The following DOCK10 variants were observed in gnomAD, a reference collection of about 807,000 sequenced individuals.
DOCK10 encodes dedicator of cytokinesis protein 10.
A neutral mutation model predicts 280.1 loss-of-function variants in DOCK10; 145 were observed. That is an observed-to-expected ratio of 0.52 (90% CI 0.45 to 0.59). The LOEUF (loss-of-function observed/expected upper bound fraction) is 0.59. Among genes scored for constraint, DOCK10 ranks in the 20% least tolerant of loss-of-function variants. DOCK10 has a pLI of 0.00. For missense variants in DOCK10, 2,368 were observed against 2,651.7 expected (o/e 0.89, Z 2.35); for synonymous variants, 915 against 942.2 (o/e 0.97, Z 0.53).
chr2:225,013,318 G>A (rs1010324611), intron 1 of DOCK10, among the ~76,000 whole-genome samples: 1 of 152,158 alleles, frequency 6.6e-6, no homozygotes, highest in Non-Finnish European at 1.5e-5. Flanking sequence ...AAAATCTCCT[G>A]ACTATAAAGG....
intron 48 of DOCK10, among the ~76,000 whole-genome samples, chr2:224,788,840 T>A (rs1691939025): frequency 6.6e-6 from 1 of 152,228 alleles, no homozygotes; most frequent in African/African-American, 2.4e-5. Context: ...GAAGAGCTGA[T>A]AATATACATT....
At chr2:224,949,103 G>A (rs1223011439) in intron 1 of DOCK10, among the ~76,000 whole-genome samples, 3 of 152,188 alleles carry the variant, frequency 2.0e-5, no homozygotes, top group Non-Finnish European at 4.4e-5. Context: ...TGATGCAAAG[G>A]AGGGGAAAAT....
At chr2:224,838,179 TA>T (rs1266567441) in intron 24 of DOCK10, among the ~76,000 whole-genome samples, 4 of 152,212 alleles carry the variant, frequency 2.6e-5, no homozygotes, top group Non-Finnish European at 5.9e-5. Context: ...CAAAAGGGAT[TA>T]TTTTTAGTGC....
chr2:224,892,446 G>GAA (rs1553606818), intron 4 of DOCK10, among the ~76,000 whole-genome samples: 1 of 135,234 alleles, frequency 7.4e-6, no homozygotes, highest in Non-Finnish European at 1.6e-5. Context: ...GAAAAGAAAA[G>GAA]AAAAAAATCG....
chr2:224,990,835 C>T (rs1706108231), intron 1 of DOCK10, among the ~76,000 whole-genome samples: 1 of 152,184 alleles, frequency 6.6e-6, no homozygotes, highest in Non-Finnish European at 1.5e-5. Context: ...ACTTTTGCAA[C>T]ATCAACTATT....
chr2:224,767,111 T>C (rs1690117685), intron 55 of DOCK10, among the ~76,000 whole-genome samples: 1 of 152,230 alleles, frequency 6.6e-6, no homozygotes, highest in Admixed American at 6.5e-5. Flanking sequence ...TACCCATTCC[T>C]GAATGTAGGC....
chr2:224,839,991 G>A lies in DOCK10; in HGVS notation c.2743C>T (p.Gln915Ter), dbSNP rs772791880. 1 of 1,559,710 alleles carries A rather than the reference G, an allele frequency of 6.4e-7. No individual in the cohort carries two copies. Among genetic ancestry groups the A allele is most frequent in the Non-Finnish European group, 8.7e-7 (1 of 1,148,042 alleles). ...GTAGTTATTTCATCTTCCTCATTCT[G>A]TACCAGAACTTTGAAGAGCTGATTC... is the stretch of plus-strand genomic sequence containing the variant. The part of the protein sequence containing the change: ...ILNQLFKVLV[Q>*]NEEDEITTTV... Residue 915 changes from glutamine (Q) to a stop codon, truncating the protein, a stop_gained, in exon 24 of 56, where the codon CAG becomes TAG. Coordinates refer to ENST00000258390, the MANE Select transcript of DOCK10 (RefSeq NM_014689.3). LOFTEE classifies it high-confidence loss of function.
At chr2:224,897,310 C>T (rs112383883) in intron 3 of DOCK10, among the ~76,000 whole-genome samples, 1,985 of 152,156 alleles carry the variant, frequency 0.013, 50 homozygotes, top group African/African-American at 0.045. Flanking sequence ...TTACAGGGTA[C>T]ATGAGATGGT....
At chr2:224,969,452 A>C (rs1163547630) in intron 1 of DOCK10, among the ~76,000 whole-genome samples, 3 of 152,166 alleles carry the variant, frequency 2.0e-5, no homozygotes, top group Non-Finnish European at 4.4e-5. Context: ...GTTGTGCAAA[A>C]AGAAGACGAA....
chr2:224,895,399 C>T (rs553574190), intron 4 of DOCK10, among the ~76,000 whole-genome samples: 1 of 152,246 alleles, frequency 6.6e-6, no homozygotes, highest in East Asian at 1.9e-4. Context: ...AAGTGTTTTT[C>T]TGAATTATTT....
intron 2 of DOCK10, among the ~76,000 whole-genome samples, chr2:224,924,395 T>G (rs1427879435): frequency 6.6e-6 from 1 of 152,186 alleles, no homozygotes; most frequent in Non-Finnish European, 1.5e-5. Flanking sequence ...ACCACTAATC[T>G]CCTTTCTCTC....
chr2:224,921,111 AAATAT>A (rs1162698947), intron 2 of DOCK10, among the ~76,000 whole-genome samples: 2 of 89,398 alleles, frequency 2.2e-5, no homozygotes, highest in Admixed American at 1.1e-4. Flanking sequence ...AAAAAAAAAA[AAATAT>A]ATATATATAT....
chr2:224,879,593 A>G (rs1227594856), intron 7 of DOCK10, among the ~76,000 whole-genome samples: 1 of 152,096 alleles, frequency 6.6e-6, no homozygotes, highest in African/African-American at 2.4e-5. Flanking sequence ...CCCTGTCTCT[A>G]CTAAAAATAC....
intron 33 of DOCK10, 37 bp from the exon 34 acceptor site, chr2:224,806,274 T>G (rs774933020): frequency 1.6e-6 from 2 of 1,263,462 alleles, no homozygotes; most frequent in Admixed American, 2.1e-5. Flanking sequence ...ATGGGAATCA[T>G]GGCATTTCAA....
intron 27 of DOCK10, among the ~76,000 whole-genome samples, chr2:224,826,759 CTATCT>C (rs962913902): frequency 6.6e-6 from 1 of 151,360 alleles, no homozygotes; most frequent in African/African-American, 2.4e-5. Context: ...ATCTATCTAT[CTATCT>C]ATCTATCTAT....
At chr2:225,016,646 CACATAGAT>C (rs3997580) in intron 1 of DOCK10, among the ~76,000 whole-genome samples, 23,166 of 36,086 alleles carry the variant, frequency 0.64, 8,026 homozygotes, top group South Asian at 0.75. Flanking sequence ...TATCTATGTG[CACATAGAT>C]ACATAGATAC....
chr2:225,002,954 C>T (rs1706478886), intron 1 of DOCK10, among the ~76,000 whole-genome samples: 2 of 152,178 alleles, frequency 1.3e-5, no homozygotes, highest in South Asian at 4.1e-4. Context: ...GGGCAGACAG[C>T]AAGAACCGAG....
chr2:224,907,063 C>T (rs561148979), intron 3 of DOCK10, among the ~76,000 whole-genome samples: 3 of 152,300 alleles, frequency 2.0e-5, no homozygotes, highest in Admixed American at 2.0e-4. Flanking sequence ...AGATAATTAG[C>T]TCCACCTAAC....
chr2:224,983,932 T>G, intron 1 of DOCK10: 1 of 466,976 alleles, frequency 2.1e-6, no homozygotes, highest in South Asian at 1.6e-5. Flanking sequence ...ACTAGGGCAT[T>G]TACTGAAGAG....
Sources: allele counts gnomAD v4.1 joint callset (sites outside exome capture counted in the v4.1 genomes callset), GRCh38; gene constraint gnomAD v4.1.1; transcripts MANE v1.5; gene names NCBI Gene and HGNC (gene_info 2026-07-23, HGNC 2026-07-21).